The following PPTC7 variants were observed in gnomAD, a reference collection of about 807,000 sequenced individuals.
PPTC7 encodes the protein protein phosphatase PTC7 homolog.
PPTC7 carries 6 observed loss-of-function variants against 30.8 expected under a neutral mutation model. The observed-to-expected ratio is 0.19, with a 90% CI of 0.11 to 0.38. The LOEUF is 0.38. PPTC7 is among the 10% of genes least tolerant of loss of function. PPTC7 has a pLI of 1.00. For missense variants in PPTC7, 218 were observed against 404.8 expected, an observed-to-expected ratio of 0.54 and a Z score of 3.96; for synonymous variants, 163 against 168.1, an observed-to-expected ratio of 0.97 and a Z score of 0.23.
intron 1 of PPTC7, among the ~76,000 whole-genome samples, chr12:110,554,722 T>C (rs1164605932): frequency 6.6e-6 from 1 of 152,180 alleles, no homozygotes; most frequent in Non-Finnish European, 1.5e-5. Flanking sequence ...AGCTATTCTT[T>C]CCAACACTAA....
In PPTC7 at chr12:110,546,160, C is replaced by T. The variant is rs867599732; in HGVS notation, c.404-82G>A. ...CATTTTAACACATGACCCCACAGAG[C>T]AACACACCATAATTTCAATCTCCTT... On this transcript the variant is annotated intron_variant, in intron 2 of 5. Coordinates refer to ENST00000354300, the MANE Select transcript of PPTC7 (RefSeq NM_139283.2). 6.3e-5 allele frequency: 68 copies of T among 1,086,430 alleles called. 1 individual carries two copies. In the Middle Eastern group the frequency reaches 6.4e-3, roughly 102 times the overall value. The allele number at this position is 1,086,430 out of a possible 1,614,324, so 67.3% of individuals were successfully genotyped here.
At chr12:110,575,414 A>C (rs2064580062) in intron 1 of PPTC7, among the ~76,000 whole-genome samples, 1 of 152,058 alleles carries the variant, frequency 6.6e-6, no homozygotes, top group African/African-American at 2.4e-5. Context: ...CTTGAACTTA[A>C]CTTTAGCATT....
intron 2 of PPTC7, among the ~76,000 whole-genome samples, chr12:110,551,567 G>A (rs577341187): frequency 6.6e-6 from 1 of 152,160 alleles, no homozygotes; most frequent in East Asian, 1.9e-4. Flanking sequence ...GGCTGGTCTC[G>A]AATTCCCGAC....
intron 1 of PPTC7, among the ~76,000 whole-genome samples, chr12:110,567,654 C>T (rs1187121627): frequency 6.6e-6 from 1 of 152,174 alleles, no homozygotes; most frequent in African/African-American, 2.4e-5. Flanking sequence ...CAGACAATTT[C>T]AGTAGCTTCG....
chr12:110,573,547 T>C (rs1480752350), intron 1 of PPTC7, among the ~76,000 whole-genome samples: 5 of 152,200 alleles, frequency 3.3e-5, no homozygotes, highest in Non-Finnish European at 7.3e-5. Context: ...TAATAACATG[T>C]ATACAATTAT....
chr12:110,535,968 T>G lies in PPTC7; in HGVS notation c.*1069A>C, dbSNP rs1031352129. 6.6e-6 allele frequency: 1 copy of G among 152,644 alleles called. No individual in the cohort carries two copies. The highest frequency in any genetic ancestry group is 1.5e-5 in the Non-Finnish European group (1 of 68,040). The allele number at this position is 152,644 out of a possible 1,614,324, so 9.5% of individuals were successfully genotyped here. ...TCACTGGGAGTTTTCCTCATGGACG[T>G]CTGTGCTGCTGCCGCTGCGCACACA... On this transcript the variant is annotated 3_prime_UTR_variant, in exon 6 of 6. Transcript: ENST00000354300.
chr12:110,555,318 G>C (rs1334835582), intron 1 of PPTC7, among the ~76,000 whole-genome samples: 1 of 152,140 alleles, frequency 6.6e-6, no homozygotes, highest in Non-Finnish European at 1.5e-5. Context: ...TTCCAAATTA[G>C]CTAATTAAAG....
intron 1 of PPTC7, among the ~76,000 whole-genome samples, chr12:110,571,136 G>A (rs1232607363): frequency 6.6e-6 from 1 of 152,188 alleles, no homozygotes; most frequent in East Asian, 1.9e-4. Context: ...CTCGGAAGAA[G>A]CTAGGGTGAT....
chr12:110,566,458 C>T (rs2064483743), intron 1 of PPTC7, among the ~76,000 whole-genome samples: 1 of 152,202 alleles, frequency 6.6e-6, no homozygotes, highest in East Asian at 1.9e-4. Context: ...TGGCCTTGGG[C>T]AGCTCTCTGA....
chr12:110,569,575 T>A (rs754853044), intron 1 of PPTC7, among the ~76,000 whole-genome samples: 5 of 152,130 alleles, frequency 3.3e-5, no homozygotes, highest in Non-Finnish European at 4.4e-5. Context: ...GTGGGACTTA[T>A]AAGTCACACT....
At chr12:110,539,190 T>C (rs901908775) in intron 4 of PPTC7, among the ~76,000 whole-genome samples, 2 of 152,152 alleles carry the variant, frequency 1.3e-5, no homozygotes, top group Non-Finnish European at 2.9e-5. Context: ...CCCCATTTTA[T>C]ATGAAGAAAA....
intron 3 of PPTC7, among the ~76,000 whole-genome samples, chr12:110,541,798 C>A (rs1440652877): frequency 6.6e-6 from 1 of 151,654 alleles, no homozygotes; most frequent in African/African-American, 2.4e-5. Context: ...CCAAAGTGGT[C>A]ATCATACGTA....
chr12:110,580,457 G>C (rs1384608254), intron 1 of PPTC7, among the ~76,000 whole-genome samples: 1 of 152,056 alleles, frequency 6.6e-6, no homozygotes, highest in African/African-American at 2.4e-5. Flanking sequence ...TCCTGCCTCA[G>C]CCTCGCTAGT....
At chr12:110,552,919 GA>G (rs2064359584) in intron 1 of PPTC7, among the ~76,000 whole-genome samples, 1 of 151,714 alleles carries the variant, frequency 6.6e-6, no homozygotes, top group African/African-American at 2.4e-5. Flanking sequence ...AACTTAGTAT[GA>G]AAAAAAGTAA....
At position 110,583,270 on chromosome 12, in the gene PPTC7, C is replaced by A. The variant is rs1474307243; in HGVS notation, c.-239G>T. 2 of 171,534 alleles carry A rather than the reference C, an allele frequency of 1.2e-5. No individual in the cohort carries two copies. Among genetic ancestry groups the A allele is most frequent in the South Asian group, 1.9e-4 (1 of 5,186 alleles). 10.6% of individuals were successfully genotyped at this position (171,534 alleles called of 1,614,324 possible). ...TCCTCCGCCTCAGCCCAACTGAAGT[C>A]CCGGCTGCAGCGGCCGCCGCCGCCG... On this transcript the variant is annotated 5_prime_UTR_variant, in exon 1 of 6. Transcript: ENST00000354300.
In PPTC7 at chr12:110,546,485, A is replaced by T. The variant is rs1593147062; in HGVS notation, c.404-407T>A. 3 of 185,696 alleles carry T rather than the reference A, an allele frequency of 1.6e-5. No individual in the cohort carries two copies. In the East Asian group the frequency reaches 4.3e-4, roughly 27 times the overall value. 11.5% of individuals were successfully genotyped at this position (185,696 alleles called of 1,614,324 possible). On this transcript the variant is annotated intron_variant, in intron 2 of 5. Coordinates refer to ENST00000354300, the MANE Select transcript of PPTC7 (RefSeq NM_139283.2). ...AATGAAAATGTTACATTTTCCCGAC[A>T]TTTCTTATTAGTCATTGGCCACAAA... is the stretch of plus-strand genomic sequence containing the variant.
At chr12:110,572,853 G>A (rs1026695183) in intron 1 of PPTC7, among the ~76,000 whole-genome samples, 58 of 151,960 alleles carry the variant, frequency 3.8e-4, no homozygotes, top group Middle Eastern at 3.4e-3. Flanking sequence ...AGGACCTATC[G>A]TAATCTTTTT....
intron 1 of PPTC7, among the ~76,000 whole-genome samples, chr12:110,569,340 A>G (rs1052123015): frequency 1.3e-5 from 2 of 152,152 alleles, no homozygotes; most frequent in Middle Eastern, 3.2e-3. Flanking sequence ...CTCAAAAAAT[A>G]AAAAGTAAAA....
rs189339733 is a variant in PPTC7 at position 110,571,591 on chromosome 12, T to C, written c.223+11218A>G. ...CAAATGATCTATAAATACTCATGTA[T>C]AGAATTGTACAGTAATTATTGCTGC... On this transcript the variant is annotated intron_variant, in intron 1 of 5. Transcript: ENST00000354300. Among the ~76,000 whole-genome samples, 58 of 152,336 alleles carry C rather than the reference T, an allele frequency of 3.8e-4. No individual in the cohort carries two copies. In the East Asian group the frequency reaches 0.01, roughly 27 times the overall value.
Sources: gnomAD v4.1 joint callset for allele counts (sites outside exome capture counted in the v4.1 genomes callset) on GRCh38, gnomAD v4.1.1 for gene constraint, MANE v1.5 for transcripts, NCBI Gene and HGNC (gene_info 2026-07-23, HGNC 2026-07-21) for gene names.